The following PARD3B variants were observed in gnomAD, a reference collection of about 807,000 sequenced individuals.
PARD3B encodes the protein par-3 family cell polarity regulator beta.
A neutral mutation model predicts 130.2 loss-of-function variants in PARD3B; 103 were observed. The observed-to-expected ratio is 0.79, with a 90% CI of 0.67 to 0.93. The LOEUF (loss-of-function observed/expected upper bound fraction) is 0.93, where lower values mean the gene tolerates loss of function less well. Ranked by LOEUF, PARD3B falls within the 40% of genes least tolerant of loss-of-function variation. PARD3B has a pLI of 0.00. For missense variants in PARD3B, 1,609 were observed against 1,499.2 expected, an observed-to-expected ratio of 1.07 and a Z score of -1.21; for synonymous variants, 583 against 553.2, an observed-to-expected ratio of 1.05 and a Z score of -0.76.
Position 205,558,905 on chromosome 2 carries a change from T to C in PARD3B, c.3260+5502T>C, listed in dbSNP as rs926523349. 5.9e-5 allele frequency among the ~76,000 whole-genome samples: 9 copies of C among 152,168 alleles called. No individual in the cohort carries two copies. Among genetic ancestry groups the C allele is most frequent in the African/African-American group, 1.7e-4 (7 of 41,438 alleles). On this transcript the variant is annotated intron_variant, in intron 22 of 22. Transcript: ENST00000406610. This position sits in a 1 kb window ranked among gnomAD's most constrained non-coding sequence, Gnocchi z 4.8. ...CCTTCCCAGTGCCCTAAAAACACCCTGAATTGGATTATTCTCCACTGCCCC... is the reference window on the plus strand; with the variant it reads ...CCTTCCCAGTGCCCTAAAAACACCCCGAATTGGATTATTCTCCACTGCCCC...
intron 2 of PARD3B, among the ~76,000 whole-genome samples, chr2:204,846,770 A>G (rs2125597232): frequency 6.6e-6 from 1 of 151,516 alleles, no homozygotes; most frequent in South Asian, 2.1e-4. Context: ...TCCTTGTTGG[A>G]TGAATGCATT....
At position 205,470,847 on chromosome 2, in the gene PARD3B, C is replaced by T. The variant is rs1409480889; in HGVS notation, c.3045-29049C>T. Among the ~76,000 whole-genome samples the T allele has an allele frequency of 6.6e-6, 1 of 152,194 alleles. No homozygotes were observed. Among genetic ancestry groups the T allele is most frequent in the Non-Finnish European group, 1.5e-5 (1 of 68,032 alleles). On this transcript the variant is annotated intron_variant, in intron 20 of 22. Transcript: ENST00000406610. This position sits in a 1 kb window ranked among gnomAD's most constrained non-coding sequence, Gnocchi z 4.8. The stretch of plus-strand genomic sequence containing the variant: ...GAATCATAGGGAAGCTCTTAAACAG[C>T]ACCCTGGCCCATTACAGACAAGTAG...
At chr2:205,051,705 T>G (rs1699202094) in intron 4 of PARD3B, among the ~76,000 whole-genome samples, 1 of 152,204 alleles carries the variant, frequency 6.6e-6, no homozygotes, top group Admixed American at 6.5e-5. Context: ...AAATTGGTTA[T>G]TTAAGATGTA....
At chr2:205,547,636 A>G (rs1243658988) in intron 21 of PARD3B, among the ~76,000 whole-genome samples, 1 of 152,152 alleles carries the variant, frequency 6.6e-6, no homozygotes, top group East Asian at 1.9e-4. Flanking sequence ...GATTAGGAAG[A>G]TGCCACAATC....
intron 2 of PARD3B, among the ~76,000 whole-genome samples, chr2:204,724,130 A>G (rs2039117666): frequency 6.6e-6 from 1 of 152,190 alleles, no homozygotes; most frequent in South Asian, 2.1e-4. Context: ...TTGATATTCC[A>G]AAGCACTTTT....
At chr2:205,362,933 G>A (rs577790239) in intron 18 of PARD3B, among the ~76,000 whole-genome samples, 12 of 152,202 alleles carry the variant, frequency 7.9e-5, no homozygotes, top group Admixed American at 4.6e-4. Context: ...TTATGACAGC[G>A]TTAGAAAGGT....
chr2:204,624,637 C>T (rs563799551), intron 1 of PARD3B, among the ~76,000 whole-genome samples: 1 of 152,216 alleles, frequency 6.6e-6, no homozygotes, highest in East Asian at 1.9e-4. Context: ...CTATCGTGGA[C>T]ATTCTGCTTG....
At chr2:204,983,953 G>A (rs945111937) in intron 3 of PARD3B, among the ~76,000 whole-genome samples, 1 of 151,728 alleles carries the variant, frequency 6.6e-6, no homozygotes, top group Non-Finnish European at 1.5e-5. Context: ...GTCAGTACCC[G>A]TCCCCTCCTC....
chr2:204,729,351 G>A (rs374398442), intron 2 of PARD3B, among the ~76,000 whole-genome samples: 29 of 152,204 alleles, frequency 1.9e-4, no homozygotes, highest in African/African-American at 6.3e-4. Context: ...AACTCTCACC[G>A]TATTCCTTGG....
intron 1 of PARD3B, among the ~76,000 whole-genome samples, chr2:204,615,702 C>T (rs1192506945): frequency 6.6e-6 from 1 of 152,106 alleles, no homozygotes; most frequent in Non-Finnish European, 1.5e-5. Flanking sequence ...ATCTGAATAA[C>T]CGTGGTTTCT....
intron 1 of PARD3B, among the ~76,000 whole-genome samples, chr2:204,625,999 A>G (rs2034474253): frequency 6.6e-6 from 1 of 152,180 alleles, no homozygotes; most frequent in African/African-American, 2.4e-5. Flanking sequence ...AGTTTTCTGT[A>G]TGTGAGATAA....
intron 3 of PARD3B, among the ~76,000 whole-genome samples, chr2:204,998,137 G>A (rs1458669513): frequency 2.7e-5 from 4 of 148,838 alleles, no homozygotes; most frequent in Admixed American, 6.7e-5. Flanking sequence ...GAGAAGACAC[G>A]GGGAGGGGAA....
At chr2:204,752,213 G>A (rs963257131) in intron 2 of PARD3B, among the ~76,000 whole-genome samples, 1 of 152,134 alleles carries the variant, frequency 6.6e-6, no homozygotes. Context: ...TAGGCCCAGT[G>A]CCTTTGACTG....
At chr2:204,687,313 C>T (rs2037134843) in intron 2 of PARD3B, among the ~76,000 whole-genome samples, 1 of 151,950 alleles carries the variant, frequency 6.6e-6, no homozygotes, top group Non-Finnish European at 1.5e-5. Context: ...ACCTGTTTTG[C>T]TTTATGTTGT....
In PARD3B at chr2:205,153,744, C is replaced by T. The variant is rs190877737; in HGVS notation, c.1435-4978C>T. On this transcript the variant is annotated intron_variant, in intron 10 of 22. Transcript: ENST00000406610. ...CAGAGCCCTCAGAAATAATACCATACATCCGTAACCATCTGATCTTCAACA... is the reference window on the plus strand; with the variant it reads ...CAGAGCCCTCAGAAATAATACCATATATCCGTAACCATCTGATCTTCAACA... Among the ~76,000 whole-genome samples the T allele has an allele frequency of 7.5e-3, 1,142 of 152,212 alleles. 9 individuals carry two copies. Among genetic ancestry groups the T allele is most frequent in the South Asian group, 0.026 (124 of 4,814 alleles).
chr2:204,574,353 A>C (rs778819051), intron 1 of PARD3B, among the ~76,000 whole-genome samples: 1 of 152,160 alleles, frequency 6.6e-6, no homozygotes, highest in African/African-American at 2.4e-5. Flanking sequence ...ATTCATAATA[A>C]ATTTTGTTTG....
At chr2:204,957,782 TC>T (rs1209329376) in intron 2 of PARD3B, among the ~76,000 whole-genome samples, 5 of 152,162 alleles carry the variant, frequency 3.3e-5, no homozygotes, top group African/African-American at 1.2e-4. Flanking sequence ...TTCACTCCCT[TC>T]CCAAAGGTGA....
intron 11 of PARD3B, among the ~76,000 whole-genome samples, chr2:205,165,711 ACT>A (rs1252724859): frequency 6.7e-5 from 10 of 149,532 alleles, no homozygotes; most frequent in African/African-American, 2.2e-4. Context: ...AGAGGGAGAG[ACT>A]CTGTCTCAAA....
At chr2:204,811,418 A>C (rs778674083) in intron 2 of PARD3B, among the ~76,000 whole-genome samples, 3 of 152,116 alleles carry the variant, frequency 2.0e-5, no homozygotes, top group Non-Finnish European at 2.9e-5. Flanking sequence ...TGAAATGTTT[A>C]TTTCATCTCC....
Sources: allele counts gnomAD v4.1 joint callset (sites outside exome capture counted in the v4.1 genomes callset), GRCh38; gene constraint gnomAD v4.1.1; non-coding constraint Gnocchi (gnomAD v3.1); transcripts MANE v1.5; gene names NCBI Gene and HGNC (gene_info 2026-07-23, HGNC 2026-07-21).